Variants in GRM5 observed in about 807,000 individuals in gnomAD.
GRM5 encodes the protein metabotropic glutamate receptor 5.
In GRM5, 19 loss-of-function variants were observed where a neutral mutation model predicts 83.1. That is an observed-to-expected ratio of 0.23 (90% CI 0.16 to 0.34). The LOEUF is 0.34. Among genes scored for constraint, GRM5 ranks in the 10% least tolerant of loss-of-function variants. The pLI is 1.00. For missense variants in GRM5, 1,160 were observed against 1,588.3 expected, an observed-to-expected ratio of 0.73 and a Z score of 4.58; for synonymous variants, 675 against 633.6, an observed-to-expected ratio of 1.07 and a Z score of -0.98.
chr11:88,891,030 G>C (rs1201786096), intron 2 of GRM5, among the ~76,000 whole-genome samples: 2 of 152,014 alleles, frequency 1.3e-5, no homozygotes, highest in Non-Finnish European at 2.9e-5. Context: ...GTGGAAAGAT[G>C]GTCTTTTCAT....
chr11:89,033,073 A>C (rs1941299273), intron 2 of GRM5, among the ~76,000 whole-genome samples: 1 of 152,000 alleles, frequency 6.6e-6, no homozygotes, highest in African/African-American at 2.4e-5. Context: ...AGATCTTGGC[A>C]CATAGTGAGT....
At chr11:88,819,736 T>C (rs1043878790) in intron 3 of GRM5, among the ~76,000 whole-genome samples, 7 of 152,156 alleles carry the variant, frequency 4.6e-5, no homozygotes, top group African/African-American at 1.7e-4. Flanking sequence ...TGAAAATGGG[T>C]GGTTTAATAA....
At chr11:88,531,315 G>A (rs1488558187) in intron 8 of GRM5, among the ~76,000 whole-genome samples, 3 of 152,024 alleles carry the variant, frequency 2.0e-5, no homozygotes, top group African/African-American at 4.8e-5. Context: ...TTAGTGAAGC[G>A]GTTGAATAAG....
At chr11:88,858,331 C>T (rs1311185511) in intron 2 of GRM5, among the ~76,000 whole-genome samples, 1 of 152,030 alleles carries the variant, frequency 6.6e-6, no homozygotes, top group Non-Finnish European at 1.5e-5. Flanking sequence ...CTATGCATCG[C>T]CCCACTCGTG....
At position 88,882,563 on chromosome 11, in the gene GRM5, A is replaced by G. The variant is rs1190037957; in HGVS notation, c.662-32408T>C. ...GCAAAAGAGCGAGACTCTGTCTCAAAAAAAAAAAAAAGAATTGATAGAATG... is the reference window on the plus strand; with the variant it reads ...GCAAAAGAGCGAGACTCTGTCTCAAGAAAAAAAAAAAGAATTGATAGAATG... On this transcript the variant is annotated intron_variant, in intron 2 of 9. Coordinates refer to ENST00000305447, the MANE Select transcript of GRM5 (RefSeq NM_001143831.3). 6.6e-5 allele frequency among the ~76,000 whole-genome samples: 10 copies of G among 150,854 alleles called. No homozygotes were observed. The East Asian group carries it at 1.9e-3, about 29-fold the overall frequency.
Position 88,877,088 on chromosome 11 carries a change from G to A in GRM5, c.662-26933C>T, listed in dbSNP as rs553511650. 2.6e-5 allele frequency among the ~76,000 whole-genome samples: 4 copies of A among 152,062 alleles called. No homozygotes were observed. In the South Asian group the frequency reaches 8.3e-4, roughly 32 times the overall value. On this transcript the variant is annotated intron_variant, in intron 2 of 9. Coordinates refer to ENST00000305447, the MANE Select transcript of GRM5 (RefSeq NM_001143831.3). ...AAGAGTAGCAGGGAAGAGGGGAGGG[G>A]AGAAGTCAGTCAAATGGAACAAAAT... is the stretch of plus-strand genomic sequence containing the variant.
intron 6 of GRM5, among the ~76,000 whole-genome samples, chr11:88,593,438 A>G (rs998324128): frequency 6.6e-6 from 1 of 151,858 alleles, no homozygotes; most frequent in African/African-American, 2.4e-5. Flanking sequence ...AGCACTTTGG[A>G]AGGCTGAGGT....
chr11:88,897,308 GCACTA>G (rs1417613772), intron 2 of GRM5, among the ~76,000 whole-genome samples: 1 of 151,778 alleles, frequency 6.6e-6, no homozygotes, highest in African/African-American at 2.4e-5. Context: ...CTTCTGTCTA[GCACTA>G]CTAGCTAGAA....
At chr11:88,910,975 G>A (rs982662719) in intron 2 of GRM5, among the ~76,000 whole-genome samples, 1 of 151,982 alleles carries the variant, frequency 6.6e-6, no homozygotes, top group Non-Finnish European at 1.5e-5. Flanking sequence ...AAGTTCTCCT[G>A]AATTTTAAGG....
intron 2 of GRM5, among the ~76,000 whole-genome samples, chr11:89,024,045 G>A (rs531940592): frequency 1.3e-5 from 2 of 151,766 alleles, no homozygotes; most frequent in South Asian, 2.1e-4. Context: ...GTAAAACCCC[G>A]TCTGTACTAA....
intron 3 of GRM5, among the ~76,000 whole-genome samples, chr11:88,740,377 G>C (rs1942001692): frequency 6.6e-6 from 1 of 151,822 alleles, no homozygotes; most frequent in African/African-American, 2.4e-5. Flanking sequence ...ATGGATGTTT[G>C]TTCAACTAAT....
intron 2 of GRM5, among the ~76,000 whole-genome samples, chr11:89,040,824 G>T (rs1455785173): frequency 1.3e-5 from 2 of 151,924 alleles, no homozygotes. Flanking sequence ...AAGGAGGAGG[G>T]AAGGAAGAAA....
intron 3 of GRM5, among the ~76,000 whole-genome samples, chr11:88,784,545 T>C (rs1943030232): frequency 6.6e-6 from 1 of 150,896 alleles, no homozygotes; most frequent in Admixed American, 6.8e-5. Context: ...GTAAAGGACC[T>C]GATGTTGAAG....
At chr11:88,756,546 T>A (rs1178700805) in intron 3 of GRM5, among the ~76,000 whole-genome samples, 2 of 152,146 alleles carry the variant, frequency 1.3e-5, no homozygotes, top group Admixed American at 6.6e-5. Flanking sequence ...ACTATATGAT[T>A]TTTTGAGTTT....
At chr11:89,034,400 G>A (rs1252854617) in intron 2 of GRM5, among the ~76,000 whole-genome samples, 1 of 151,752 alleles carries the variant, frequency 6.6e-6, no homozygotes, top group Non-Finnish European at 1.5e-5. Context: ...TTCAACCAAA[G>A]CTATCCATAC....
At chr11:88,942,441 A>G (rs1029911004) in intron 2 of GRM5, among the ~76,000 whole-genome samples, 49 of 152,156 alleles carry the variant, frequency 3.2e-4, no homozygotes, top group African/African-American at 1.2e-3. Context: ...GACGAGTCTC[A>G]TTCATCCTAA....
chr11:88,753,241 C>T (rs1942321077), intron 3 of GRM5, among the ~76,000 whole-genome samples: 1 of 152,122 alleles, frequency 6.6e-6, no homozygotes, highest in Non-Finnish European at 1.5e-5. Context: ...CTACAAGGAA[C>T]TTAAACAAAT....
intron 3 of GRM5, among the ~76,000 whole-genome samples, chr11:88,787,838 T>TA (rs926998190): frequency 3.9e-5 from 6 of 151,932 alleles, no homozygotes; most frequent in African/African-American, 1.5e-4. Context: ...GAAAAAGGGA[T>TA]AAAAAAGGGA....
chr11:88,570,126 A>G (rs11020465), intron 7 of GRM5, among the ~76,000 whole-genome samples: 8,184 of 152,194 alleles, frequency 0.054, 712 homozygotes, highest in African/African-American at 0.18. Flanking sequence ...TTAAGATCTC[A>G]CATTTCAGAT....
Sources: allele counts gnomAD v4.1 joint callset (sites outside exome capture counted in the v4.1 genomes callset), GRCh38; gene constraint gnomAD v4.1.1; transcripts MANE v1.5; gene names NCBI Gene and HGNC (gene_info 2026-07-23, HGNC 2026-07-21).